The following INPP4B variants were observed in gnomAD, a reference collection of about 807,000 sequenced individuals.
INPP4B encodes the protein inositol polyphosphate 4-phosphatase type II.
Under a neutral mutation model 122.5 loss-of-function variants are expected in INPP4B, and 55 were observed. The observed-to-expected ratio is 0.45, with a 90% CI of 0.36 to 0.56. The LOEUF (loss-of-function observed/expected upper bound fraction) is 0.56. Ranked by LOEUF, INPP4B falls within the 20% of genes least tolerant of loss-of-function variation. The probability of loss-of-function intolerance (pLI) is 0.00; values close to 1 mark genes in which losing one functional copy is unlikely to be tolerated. For synonymous variants in INPP4B, 403 were observed against 388.7 expected (o/e 1.04, Z -0.43); for missense variants, 1,000 against 1,097.7 (o/e 0.91, Z 1.26).
intron 15 of INPP4B, among the ~76,000 whole-genome samples, chr4:142,192,473 C>T (rs1836429041): frequency 6.6e-6 from 1 of 151,660 alleles, no homozygotes; most frequent in Admixed American, 6.6e-5. Flanking sequence ...TAGGATAACC[C>T]CAACTGATAA....
At chr4:142,190,477 G>A (rs1016460231) in intron 15 of INPP4B, among the ~76,000 whole-genome samples, 10 of 152,094 alleles carry the variant, frequency 6.6e-5, no homozygotes, top group Non-Finnish European at 1.3e-4. Context: ...TTAATTTAAC[G>A]GGTAGGCTGA....
At chr4:142,594,811 C>T (rs1263187970) in intron 2 of INPP4B, among the ~76,000 whole-genome samples, 2 of 151,674 alleles carry the variant, frequency 1.3e-5, no homozygotes, top group African/African-American at 4.8e-5. Flanking sequence ...AAAAATTAGC[C>T]GAGTGTGGTG....
chr4:142,308,864 G>T (rs544754654), intron 8 of INPP4B, among the ~76,000 whole-genome samples: 1 of 152,170 alleles, frequency 6.6e-6, no homozygotes, highest in South Asian at 2.1e-4. Flanking sequence ...CTGAAGTGTG[G>T]CTCTAAATCA....
intron 2 of INPP4B, among the ~76,000 whole-genome samples, chr4:142,608,409 C>A (rs1052313451): frequency 1.1e-4 from 17 of 152,264 alleles, no homozygotes; most frequent in Admixed American, 1.0e-3. Context: ...AATATCTTTT[C>A]TTGACACCAA....
chr4:142,803,656 AAAAAAC>A (rs1174759373), intron 1 of INPP4B, among the ~76,000 whole-genome samples: 6 of 150,230 alleles, frequency 4.0e-5, no homozygotes, highest in African/African-American at 1.5e-4. Flanking sequence ...ACTTAAAAAA[AAAAAAC>A]AAAAACAAAG....
At chr4:142,366,324 T>C (rs1046037179) in intron 7 of INPP4B, among the ~76,000 whole-genome samples, 2 of 126,692 alleles carry the variant, frequency 1.6e-5, no homozygotes, top group East Asian at 2.5e-4. Context: ...ATAAACAGCC[T>C]TGTTGCTCAC....
chr4:142,753,595 C>T (rs1230202045), intron 1 of INPP4B, among the ~76,000 whole-genome samples: 1 of 152,022 alleles, frequency 6.6e-6, no homozygotes, highest in Non-Finnish European at 1.5e-5. Flanking sequence ...TCTAGGGACA[C>T]TTGGGAGTAT....
At chr4:142,175,130 TA>T (rs1350729445) in intron 15 of INPP4B, among the ~76,000 whole-genome samples, 1 of 152,162 alleles carries the variant, frequency 6.6e-6, no homozygotes, top group Non-Finnish European at 1.5e-5. Context: ...TACATCCCAT[TA>T]TACCCAAATG....
At chr4:142,784,932 A>G (rs1025016191) in intron 1 of INPP4B, among the ~76,000 whole-genome samples, 2 of 152,034 alleles carry the variant, frequency 1.3e-5, no homozygotes, top group Non-Finnish European at 2.9e-5. Context: ...GCTAAGAAAT[A>G]CTTGTGGAGG....
At chr4:142,693,523 A>T (rs1204660123) in intron 2 of INPP4B, among the ~76,000 whole-genome samples, 2 of 74,324 alleles carry the variant, frequency 2.7e-5, no homozygotes, top group South Asian at 4.6e-4. Context: ...AAAAAAAAAA[A>T]AAAAAAAAAA....
chr4:142,429,972 T>C (rs1460590902), intron 4 of INPP4B, among the ~76,000 whole-genome samples: 1 of 152,076 alleles, frequency 6.6e-6, no homozygotes, highest in African/African-American at 2.4e-5. Flanking sequence ...GGAGGCCATT[T>C]GTTACAACTC....
chr4:142,112,772 G>C (rs1459502427), intron 21 of INPP4B, 90 bp from the exon 22 acceptor site: 1 of 1,259,306 alleles, frequency 7.9e-7, no homozygotes, highest in Non-Finnish European at 1.1e-6. Context: ...AAAAGGGTTG[G>C]AATATAGCAC....
rs972453130 is a variant in INPP4B, at chr4:142,794,205, A to G, written c.-254+52004T>C. ...TACTAAAGAAAAACAAGGTAGGAGG[A>G]CCTGTCTTGCCAGATATCAAGTCTT... On this transcript the variant is annotated intron_variant, in intron 1 of 25. Transcript: ENST00000262992. Among the ~76,000 whole-genome samples, 5 of 152,044 alleles carry G rather than the reference A, an allele frequency of 3.3e-5. No homozygotes were observed. The South Asian group carries it at 1.0e-3, about 31-fold the overall frequency.
intron 2 of INPP4B, among the ~76,000 whole-genome samples, chr4:142,584,711 A>T (rs891818923): frequency 6.6e-6 from 1 of 151,746 alleles, no homozygotes; most frequent in Non-Finnish European, 1.5e-5. Flanking sequence ...TGGTTTCTCT[A>T]CTCTAAAGTT....
intron 7 of INPP4B, among the ~76,000 whole-genome samples, chr4:142,377,408 G>A (rs1792334229): frequency 6.6e-6 from 1 of 152,030 alleles, no homozygotes; most frequent in Non-Finnish European, 1.5e-5. Flanking sequence ...CTTTCATTTG[G>A]AGCAGTTTGA....
At chr4:142,229,109 T>C (rs1852959306) in intron 12 of INPP4B, among the ~76,000 whole-genome samples, 1 of 151,556 alleles carries the variant, frequency 6.6e-6, no homozygotes, top group Admixed American at 6.6e-5. Context: ...TGTACACGAA[T>C]ATGTATTTAT....
intron 1 of INPP4B, among the ~76,000 whole-genome samples, chr4:142,829,426 T>C (rs549200066): frequency 6.6e-6 from 1 of 152,304 alleles, no homozygotes; most frequent in African/African-American, 2.4e-5. Context: ...CTGTGCCTTT[T>C]GACAGAAGTC....
intron 12 of INPP4B, among the ~76,000 whole-genome samples, chr4:142,233,784 G>T (rs1034455465): frequency 1.3e-5 from 2 of 151,500 alleles, no homozygotes; most frequent in Admixed American, 6.6e-5. Flanking sequence ...TTACATTATG[G>T]TATATTAATT....
At chr4:142,142,256 T>C (rs1808251033) in intron 18 of INPP4B, among the ~76,000 whole-genome samples, 1 of 152,078 alleles carries the variant, frequency 6.6e-6, no homozygotes, top group African/African-American at 2.4e-5. Context: ...TGGAATATAG[T>C]AACATGTTAT....
Sources: allele counts gnomAD v4.1 joint callset (sites outside exome capture counted in the v4.1 genomes callset), GRCh38; gene constraint gnomAD v4.1.1; transcripts MANE v1.5; gene names NCBI Gene and HGNC (gene_info 2026-07-23, HGNC 2026-07-21).